PLAT: variants seen among roughly 807,000 people sequenced by gnomAD.
PLAT encodes the protein tissue-type plasminogen activator.
In PLAT, 48 loss-of-function variants were observed where a neutral mutation model predicts 74.9. That is an observed-to-expected ratio of 0.64 (90% CI 0.51 to 0.82). The LOEUF is 0.82. Ranked by LOEUF, PLAT falls within the 40% of genes least tolerant of loss-of-function variation. The pLI is 0.00. For missense variants in PLAT, 673 were observed against 736.2 expected, an observed-to-expected ratio of 0.91 and a Z score of 0.99; for synonymous variants, 307 against 294.4, an observed-to-expected ratio of 1.04 and a Z score of -0.44.
rs767612861 is a variant in PLAT at position 42,176,164 on chromosome 8, T to C, written c.1531-13A>G. ...CTCCCGAATCGCCCTGCAAAGGAGA[T>C]AGCAGGTTTGGCGTTTGCAAAAAAA... On this transcript the variant is annotated splice_polypyrimidine_tract_variant and intron_variant, in intron 13 of 13. Coordinates refer to ENST00000220809, the MANE Select transcript of PLAT (RefSeq NM_000930.5). The C allele has an allele frequency of 2.5e-6, 4 of 1,608,682 alleles. No individual in the cohort carries two copies. Among genetic ancestry groups the C allele is most frequent in the Admixed American group, 1.7e-5 (1 of 59,384 alleles).
chr8:42,188,026 A>G lies in PLAT; in HGVS notation c.254-10T>C, dbSNP rs1805552175. The stretch of plus-strand genomic sequence containing the variant: ...CTTGGCTCGCTGCAACCTGTCAAGT[A>G]TAAAAAAGGAAGCCCCTAATGACAG... On this transcript the variant is annotated splice_polypyrimidine_tract_variant and intron_variant, in intron 4 of 13. Transcript: ENST00000220809. The G allele has an allele frequency of 8.3e-6, 13 of 1,569,298 alleles. No individual in the cohort carries two copies. Among genetic ancestry groups the G allele is most frequent in the African/African-American group, 1.4e-5 (1 of 74,044 alleles).
chr8:42,192,341 T>A (rs1161217687), intron 2 of PLAT, among the ~76,000 whole-genome samples: 3 of 152,104 alleles, frequency 2.0e-5, no homozygotes, highest in East Asian at 1.9e-4. Flanking sequence ...ACTTTGTATA[T>A]CTGCAGGTTC....
chr8:42,185,390 A>G (rs1303563621), intron 6 of PLAT: 1 of 375,298 alleles, frequency 2.7e-6, no homozygotes, highest in African/African-American at 2.1e-5. Context: ...CAGCTTCCCG[A>G]GTAGCTGGGA....
intron 3 of PLAT, among the ~76,000 whole-genome samples, chr8:42,189,391 G>A (rs1018070894): frequency 5.3e-5 from 8 of 151,664 alleles, no homozygotes; most frequent in Non-Finnish European, 8.8e-5. Flanking sequence ...GGTGGCAGGT[G>A]CCTGTAATCC....
chr8:42,179,390 A>C (rs535241792), intron 12 of PLAT, among the ~76,000 whole-genome samples: 6 of 152,260 alleles, frequency 3.9e-5, no homozygotes, highest in African/African-American at 1.4e-4. Context: ...CCCTCACCCT[A>C]AACTGTAACA....
intron 1 of PLAT, among the ~76,000 whole-genome samples, chr8:42,205,289 G>T (rs932260020): frequency 2.0e-5 from 3 of 152,208 alleles, no homozygotes; most frequent in Non-Finnish European, 4.4e-5. Flanking sequence ...CACTTCGGGG[G>T]GCCGAGGTGG....
At chr8:42,196,690 A>T (rs185684792) in intron 1 of PLAT, among the ~76,000 whole-genome samples, 1 of 152,318 alleles carries the variant, frequency 6.6e-6, no homozygotes, top group Admixed American at 6.5e-5. Flanking sequence ...AGGGAGGTCC[A>T]TGAGTGCTCT....
chr8:42,187,861 G>A (rs1245742469), intron 5 of PLAT, 45 bp downstream of exon 5: 1 of 1,269,360 alleles, frequency 7.9e-7, no homozygotes, highest in African/African-American at 1.5e-5. Context: ...GGGGAGACTG[G>A]AGAGGTGGGA....
intron 1 of PLAT, among the ~76,000 whole-genome samples, chr8:42,203,378 A>G (rs1806207177): frequency 6.6e-6 from 1 of 152,154 alleles, no homozygotes; most frequent in African/African-American, 2.4e-5. Flanking sequence ...GGTGTGTGCA[A>G]TTCACAGCCG....
At chr8:42,178,599 T>G (rs1331269084) in intron 13 of PLAT, among the ~76,000 whole-genome samples, 1 of 152,212 alleles carries the variant, frequency 6.6e-6, no homozygotes, top group East Asian at 1.9e-4. Context: ...TGTGTGGCTC[T>G]CTCCATCACT....
intron 1 of PLAT, among the ~76,000 whole-genome samples, chr8:42,195,954 C>A (rs1435481317): frequency 6.6e-6 from 1 of 152,206 alleles, no homozygotes; most frequent in East Asian, 1.9e-4. Context: ...CCAGCCCTCT[C>A]GATAGGCTCC....
intron 1 of PLAT, chr8:42,193,750 C>CT (rs1339638582): frequency 6.5e-6 from 1 of 152,780 alleles, no homozygotes; most frequent in Non-Finnish European, 1.4e-5. Flanking sequence ...GAGTCTCGCT[C>CT]TGTCGCCCAG....
chr8:42,191,352 A>C lies in PLAT; in HGVS notation c.115+20T>G. Reference sequence around the variant, plus strand: ...GCCTCCCTCCCTGATGACCCCATGCACCCCTCAGCTTCACCCGACCTTGGT... The same window carrying C: ...GCCTCCCTCCCTGATGACCCCATGCCCCCCTCAGCTTCACCCGACCTTGGT... On this transcript the variant is annotated intron_variant, in intron 3 of 13. Transcript: ENST00000220809. The C allele has an allele frequency of 6.2e-7, 1 of 1,611,296 alleles. No homozygotes were observed. The highest frequency in any genetic ancestry group is 8.5e-7 in the Non-Finnish European group (1 of 1,177,478).
intron 4 of PLAT, 80 bp from the exon 5 acceptor site, chr8:42,188,096 C>T (rs1024528523): frequency 2.6e-6 from 2 of 763,740 alleles, no homozygotes; most frequent in Non-Finnish European, 4.5e-6. Context: ...GCCCTGTCTA[C>T]CACAATCCAC....
chr8:42,181,874 T>G, intron 9 of PLAT, 63 bp downstream of exon 9: 1 of 950,038 alleles, frequency 1.1e-6, no homozygotes, highest in South Asian at 1.3e-5. Flanking sequence ...GCCTAGAAAG[T>G]GGCGAGGAGA....
At chr8:42,191,834 C>T (rs995727426) in intron 2 of PLAT, among the ~76,000 whole-genome samples, 9 of 151,990 alleles carry the variant, frequency 5.9e-5, no homozygotes, top group African/African-American at 1.5e-4. Flanking sequence ...TGGCTCTCCC[C>T]GCTGTAGGGT....
chr8:42,196,748 C>G (rs905364285), intron 1 of PLAT, among the ~76,000 whole-genome samples: 2 of 151,344 alleles, frequency 1.3e-5, no homozygotes, highest in Non-Finnish European at 2.9e-5. Flanking sequence ...ATGGAAGAGG[C>G]TCATTTTTAT....
chr8:42,185,266 G>C lies in PLAT; in HGVS notation c.540-94C>G, dbSNP rs8178762. On this transcript the variant is annotated intron_variant, in intron 6 of 13. Transcript: ENST00000220809. Reference sequence around the variant, plus strand: ...CTTTGGTATCCTTTTCTGGAGGAATGGGGGGTGCTTTTTTTTTTGACAGAG... The same window carrying C: ...CTTTGGTATCCTTTTCTGGAGGAATCGGGGGTGCTTTTTTTTTTGACAGAG... 7.5e-6 allele frequency: 5 copies of C among 665,038 alleles called. No homozygotes were observed. The East Asian group carries it at 8.8e-5, about 12-fold the overall frequency. The allele number at this position is 665,038 out of a possible 1,614,324, so 41.2% of individuals were successfully genotyped here.
intron 1 of PLAT, among the ~76,000 whole-genome samples, chr8:42,201,344 A>T (rs1006718407): frequency 6.6e-6 from 1 of 152,200 alleles, no homozygotes; most frequent in Non-Finnish European, 1.5e-5. Context: ...AGAAGCAGGA[A>T]AGTCCTTCCC....
Sources: allele counts gnomAD v4.1 joint callset (sites outside exome capture counted in the v4.1 genomes callset), GRCh38; gene constraint gnomAD v4.1.1; transcripts MANE v1.5; gene names NCBI Gene and HGNC (gene_info 2026-07-23, HGNC 2026-07-21).